Variants in ATF2 observed in about 807,000 individuals in gnomAD.
ATF2 encodes cyclic AMP-dependent transcription factor ATF-2.
Under a neutral mutation model 60.6 loss-of-function variants are expected in ATF2, and 24 were observed. The observed-to-expected ratio is 0.40, with a 90% CI of 0.29 to 0.56. ATF2 has a LOEUF of 0.56. Ranked by LOEUF, ATF2 falls within the 20% of genes least tolerant of loss-of-function variation. The pLI is 0.54. For synonymous variants in ATF2, 206 were observed against 215.4 expected, an observed-to-expected ratio of 0.96 and a Z score of 0.38; for missense variants, 433 against 607.7, an observed-to-expected ratio of 0.71 and a Z score of 3.02.
At chr2:175,091,859 T>A (rs1156386276) in intron 12 of ATF2, among the ~76,000 whole-genome samples, 3 of 152,152 alleles carry the variant, frequency 2.0e-5, no homozygotes, top group Non-Finnish European at 4.4e-5. Context: ...TGAGACTCCG[T>A]CTCAAAAACA....
intron 4 of ATF2, among the ~76,000 whole-genome samples, chr2:175,122,624 G>C (rs2105721146): frequency 6.6e-6 from 1 of 151,992 alleles, no homozygotes; most frequent in East Asian, 1.9e-4. Flanking sequence ...TAACATCTTT[G>C]GCCCAGTCCA....
intron 4 of ATF2, among the ~76,000 whole-genome samples, chr2:175,121,900 T>C (rs1385267125): frequency 6.6e-6 from 1 of 151,910 alleles, no homozygotes; most frequent in Admixed American, 6.6e-5. Context: ...CATGGTTCAA[T>C]GACTTTTCAA....
At chr2:175,106,694 C>T (rs571654302) in intron 10 of ATF2, among the ~76,000 whole-genome samples, 2 of 151,328 alleles carry the variant, frequency 1.3e-5, no homozygotes, top group East Asian at 3.9e-4. Flanking sequence ...AAATTAGCTG[C>T]ATGTGGTGGC....
chr2:175,163,383 T>C (rs898655330), intron 1 of ATF2, among the ~76,000 whole-genome samples: 3 of 152,154 alleles, frequency 2.0e-5, no homozygotes, highest in Admixed American at 1.3e-4. Flanking sequence ...AAAGTCCATA[T>C]GGTATTTTGC....
chr2:175,140,821 CAA>C (rs113384509), intron 2 of ATF2, among the ~76,000 whole-genome samples: 5 of 97,858 alleles, frequency 5.1e-5, no homozygotes, highest in Non-Finnish European at 4.3e-5. Context: ...TGTCTCTATA[CAA>C]AAAAAAAAAA....
intron 11 of ATF2, among the ~76,000 whole-genome samples, chr2:175,094,399 A>G (rs1220802492): frequency 7.0e-6 from 1 of 142,812 alleles, no homozygotes; most frequent in African/African-American, 2.7e-5. Context: ...GTCTCAAAAA[A>G]TACGAAAAAA....
At chr2:175,151,024 A>T (rs1339936243) in intron 2 of ATF2, 36 bp downstream of exon 2, 1 of 152,598 alleles carries the variant, frequency 6.6e-6, no homozygotes, top group Non-Finnish European at 1.5e-5. Context: ...CAAAATGAAA[A>T]GAATACTTTT....
intron 2 of ATF2, among the ~76,000 whole-genome samples, chr2:175,140,988 C>A (rs1473968461): frequency 1.1e-5 from 1 of 89,162 alleles, no homozygotes; most frequent in Non-Finnish European, 2.0e-5. Context: ...TAGAGCAAGA[C>A]CCTATCTCAG....
chr2:175,080,764 C>G lies in ATF2; in HGVS notation c.1187G>C (p.Ser396Thr). Residue 396 changes from serine to threonine, a missense_variant and splice_region_variant, in exon 13 of 14, where the codon AGT becomes ACT. Around this residue, in one of 5 missense-constraint regions of ATF2, gnomAD observed 24 missense variants for 75.4 expected, o/e 0.32. Coordinates refer to ENST00000264110, the MANE Select transcript of ATF2 (RefSeq NM_001880.4). ...DLSSLNGQLQSEVTLLRNEVA... is the reference protein window; with the variant it reads ...DLSSLNGQLQTEVTLLRNEVA... ...TTCATTTCTCAGCAGGGTGACTTCA[C>G]TCTGGAGAAGAAACAACTTATGTAC... 6.2e-7 allele frequency: 1 copy of G among 1,611,370 alleles called. No homozygotes were observed. The highest frequency in any genetic ancestry group is 8.5e-7 in the Non-Finnish European group (1 of 1,178,418).
At chr2:175,142,923 T>C (rs1359465453) in intron 2 of ATF2, among the ~76,000 whole-genome samples, 2 of 152,132 alleles carry the variant, frequency 1.3e-5, no homozygotes. Flanking sequence ...CATAGCTCAC[T>C]GCAGCCTTGA....
intron 2 of ATF2, among the ~76,000 whole-genome samples, chr2:175,137,751 C>T (rs759051024): frequency 6.6e-6 from 1 of 152,034 alleles, no homozygotes; most frequent in Non-Finnish European, 1.5e-5. Context: ...CTATACTATC[C>T]CCCTCCTCTA....
intron 2 of ATF2, among the ~76,000 whole-genome samples, chr2:175,148,589 C>A (rs1574484503): frequency 6.6e-6 from 1 of 152,154 alleles, no homozygotes; most frequent in East Asian, 1.9e-4. Context: ...TCATTTATAC[C>A]CTCCTCCCGT....
intron 10 of ATF2, among the ~76,000 whole-genome samples, chr2:175,110,593 C>T (rs1375156537): frequency 6.6e-6 from 1 of 151,922 alleles, no homozygotes; most frequent in East Asian, 1.9e-4. Context: ...GAGAATTACA[C>T]TGATTTTTAT....
At chr2:175,114,660 T>C (rs370342829) in intron 8 of ATF2, 30 bp downstream of exon 8, 35 of 1,598,366 alleles carry the variant, frequency 2.2e-5, no homozygotes, top group Non-Finnish European at 3.0e-5. Context: ...AATTCATGTA[T>C]ATGTTCAATG....
intron 2 of ATF2, among the ~76,000 whole-genome samples, chr2:175,142,716 AGAGAGTGT>A (rs1233952953): frequency 1.6e-3 from 189 of 120,806 alleles, no homozygotes; most frequent in South Asian, 8.2e-3. Flanking sequence ...AGAGAGAGAG[AGAGAGTGT>A]GTGTGTGTGT....
rs149499219 is a variant in ATF2, at chr2:175,143,916, C to T, written c.-44+7144G>A. Among the ~76,000 whole-genome samples, 221 of 151,976 alleles carry T rather than the reference C, an allele frequency of 1.5e-3. 5 individuals carry two copies. In the East Asian group the frequency reaches 0.016, roughly 11 times the overall value. The stretch of plus-strand genomic sequence containing the variant: ...TTGAGCAATCCTCCCACTTCAGCCT[C>T]GCAAATAGCTGGAACCACAGGTGTA... On this transcript the variant is annotated intron_variant, in intron 2 of 13. Transcript: ENST00000264110.
chr2:175,154,230 A>ATATAT (rs1553515941), intron 1 of ATF2, among the ~76,000 whole-genome samples: 8 of 145,492 alleles, frequency 5.5e-5, no homozygotes, highest in African/African-American at 2.1e-4. Context: ...GAAAAGAAAA[A>ATATAT]AAAAATATAT....
intron 12 of ATF2, among the ~76,000 whole-genome samples, chr2:175,091,494 C>T (rs1207428984): frequency 6.6e-6 from 1 of 152,028 alleles, no homozygotes; most frequent in Non-Finnish European, 1.5e-5. Flanking sequence ...TTAGTACCTA[C>T]AGTCTGTACT....
intron 4 of ATF2, among the ~76,000 whole-genome samples, chr2:175,122,394 T>C (rs901604312): frequency 6.6e-6 from 1 of 151,970 alleles, no homozygotes; most frequent in African/African-American, 2.4e-5. Flanking sequence ...AATTTTAAAA[T>C]GCTAAGTTAA....
Sources: gnomAD v4.1 joint callset for allele counts (sites outside exome capture counted in the v4.1 genomes callset) on GRCh38, gnomAD v4.1.1 for gene constraint, gnomAD v4.1.1 regional missense constraint, MANE v1.5 for transcripts, NCBI Gene and HGNC (gene_info 2026-07-23, HGNC 2026-07-21) for gene names.